Variants in MKLN1 observed in about 807,000 individuals in gnomAD.
The protein encoded by MKLN1 is muskelin 1.
A neutral mutation model predicts 99.0 loss-of-function variants in MKLN1; 18 were observed. The ratio of observed to expected loss-of-function variants is 0.18; its 90% CI spans 0.13 to 0.27. MKLN1 has a LOEUF of 0.27. Among genes scored for constraint, MKLN1 ranks in the 10% least tolerant of loss-of-function variants. MKLN1 has a pLI of 1.00. For missense variants in MKLN1, 621 were observed against 875.9 expected (o/e 0.71, Z 3.67); for synonymous variants, 288 against 293.2 (o/e 0.98, Z 0.18).
chr7:131,414,631 T>A lies in MKLN1; in HGVS notation c.782-14T>A, dbSNP rs1794964271. 6.4e-7 allele frequency: 1 copy of A among 1,567,872 alleles called. No homozygotes were observed. Among genetic ancestry groups the A allele is most frequent in the Non-Finnish European group, 8.7e-7 (1 of 1,143,644 alleles). The stretch of plus-strand genomic sequence containing the variant: ...TTGTTATTCCTTTAAAAGAAACTAT[T>A]ATTTCTTCTAAAGGTGATGGGGAAG... On this transcript the variant is annotated splice_polypyrimidine_tract_variant and intron_variant, in intron 7 of 17. Transcript: ENST00000352689.
At chr7:131,408,493 A>C (rs571626571) in intron 6 of MKLN1, among the ~76,000 whole-genome samples, 1 of 152,216 alleles carries the variant, frequency 6.6e-6, no homozygotes, top group Non-Finnish European at 1.5e-5. Context: ...AATACATACA[A>C]CTAGGCAGCA....
chr7:131,438,781 G>A (rs1044715099), intron 10 of MKLN1, among the ~76,000 whole-genome samples: 1 of 151,826 alleles, frequency 6.6e-6, no homozygotes, highest in African/African-American at 2.4e-5. Context: ...CTGTATTGAT[G>A]AACATAAATT....
chr7:131,114,681 C>T (rs1201269288), intron 1 of MKLN1, among the ~76,000 whole-genome samples: 1 of 152,162 alleles, frequency 6.6e-6, no homozygotes, highest in Admixed American at 6.5e-5. Flanking sequence ...TGCAGTGGCT[C>T]ACACCTGTAA....
At chr7:131,372,317 A>G (rs538254420) in intron 1 of MKLN1, among the ~76,000 whole-genome samples, 1 of 152,052 alleles carries the variant, frequency 6.6e-6, no homozygotes, top group Non-Finnish European at 1.5e-5. Flanking sequence ...GTGTTTTCTA[A>G]TTCATTTTTG....
chr7:131,472,703 C>T (rs962362707), intron 16 of MKLN1, among the ~76,000 whole-genome samples: 1 of 152,068 alleles, frequency 6.6e-6, no homozygotes, highest in Non-Finnish European at 1.5e-5. Context: ...GTAATCCCAG[C>T]ACTTTGGGAG....
At chr7:131,426,621 T>C (rs577201681) in intron 8 of MKLN1, among the ~76,000 whole-genome samples, 1 of 152,218 alleles carries the variant, frequency 6.6e-6, no homozygotes, top group South Asian at 2.1e-4. Flanking sequence ...AAGTGTTTTA[T>C]GTACTGAATT....
chr7:131,207,427 G>A (rs1420698694), intron 3 of MKLN1, among the ~76,000 whole-genome samples: 3 of 152,016 alleles, frequency 2.0e-5, no homozygotes, highest in Non-Finnish European at 2.9e-5. Context: ...GGAACTCCTG[G>A]CCTCAAGTGA....
rs549004393 is a variant in MKLN1 at position 131,361,397 on chromosome 7, A to G, written c.99-14027A>G. On this transcript the variant is annotated intron_variant, in intron 1 of 17. Transcript: ENST00000352689. The stretch of plus-strand genomic sequence containing the variant: ...AGCTCACTGATTCTTTCCATGGTAC[A>G]TTACCCATCTATCTTGCATGTTGTC... Among the ~76,000 whole-genome samples the G allele has an allele frequency of 2.2e-4, 33 of 151,744 alleles. 1 individual carries two copies. The highest frequency in any genetic ancestry group is 7.7e-4 in the African/African-American group (32 of 41,438).
intron 2 of MKLN1, among the ~76,000 whole-genome samples, chr7:131,161,728 T>A (rs1204174227): frequency 1.3e-5 from 2 of 151,660 alleles, no homozygotes; most frequent in Admixed American, 1.3e-4. Context: ...ATTTTTTGTA[T>A]TTTTAGTAGG....
At chr7:131,225,961 G>A (rs956119704) in intron 3 of MKLN1, among the ~76,000 whole-genome samples, 6 of 152,124 alleles carry the variant, frequency 3.9e-5, no homozygotes, top group Admixed American at 3.3e-4. Context: ...GCTGGTGGCA[G>A]CCCCAGCCCT....
intron 2 of MKLN1, among the ~76,000 whole-genome samples, chr7:131,384,433 AGTTACACT>A (rs1457582762): frequency 1.3e-5 from 2 of 152,006 alleles, no homozygotes; most frequent in Non-Finnish European, 2.9e-5. Context: ...CAGAGATAGG[AGTTACACT>A]GTCACAAGCC....
At chr7:131,152,452 C>T (rs1584794162) in intron 2 of MKLN1, among the ~76,000 whole-genome samples, 1 of 151,096 alleles carries the variant, frequency 6.6e-6, no homozygotes, top group South Asian at 2.1e-4. Flanking sequence ...TTTAAATTGT[C>T]TTACAAATTT....
chr7:131,294,511 C>T (rs1322810839), intron 3 of MKLN1, among the ~76,000 whole-genome samples: 1 of 152,214 alleles, frequency 6.6e-6, no homozygotes, highest in East Asian at 1.9e-4. Context: ...TGCATCTCTA[C>T]TGCCTGGCTC....
chr7:131,387,580 A>G (rs563168804), intron 3 of MKLN1, among the ~76,000 whole-genome samples: 14 of 152,110 alleles, frequency 9.2e-5, no homozygotes, highest in Non-Finnish European at 1.8e-4. Flanking sequence ...TTTTGCTATA[A>G]TCTTTGCTGT....
chr7:131,328,468 G>A (rs912531773), intron 1 of MKLN1, among the ~76,000 whole-genome samples: 1 of 152,234 alleles, frequency 6.6e-6, no homozygotes, highest in Admixed American at 6.5e-5. Context: ...CTATTCCAGA[G>A]TGGGGTCATT....
chr7:131,208,399 GC>G (rs1251357857), intron 3 of MKLN1, among the ~76,000 whole-genome samples: 1 of 152,142 alleles, frequency 6.6e-6, no homozygotes, highest in Admixed American at 6.6e-5. Flanking sequence ...TTTGAGAGCA[GC>G]CTGGGCAACA....
intron 3 of MKLN1, among the ~76,000 whole-genome samples, chr7:131,302,887 A>G (rs924850773): frequency 6.6e-6 from 1 of 152,186 alleles, no homozygotes; most frequent in Non-Finnish European, 1.5e-5. Context: ...GACAGGTTCA[A>G]TGAGAAGGTC....
chr7:131,455,493 G>A lies in MKLN1; in HGVS notation c.1526-7724G>A, dbSNP rs185580267. On this transcript the variant is annotated intron_variant, in intron 12 of 17. Coordinates refer to ENST00000352689, the MANE Select transcript of MKLN1 (RefSeq NM_013255.5). ...CAATTATAAAAATAACGAGTTGGCA[G>A]TGATAATTGTTGTATCATTCTTATT... Among the ~76,000 whole-genome samples the A allele has an allele frequency of 4.1e-4, 62 of 152,310 alleles. No homozygotes were observed. The East Asian group carries it at 0.011, about 27-fold the overall frequency.
rs546880856 is a variant in MKLN1, at chr7:131,375,543, A to T, written c.168+50A>T. The T allele has an allele frequency of 9.1e-6, 10 of 1,100,684 alleles. No individual in the cohort carries two copies. In the South Asian group the frequency reaches 1.2e-4, roughly 13 times the overall value. 68.2% of individuals were successfully genotyped at this position (1,100,684 alleles called of 1,614,324 possible). On this transcript the variant is annotated intron_variant, in intron 2 of 17. Coordinates refer to ENST00000352689, the MANE Select transcript of MKLN1 (RefSeq NM_013255.5). ...GCTGTTTAGAAGTCACCATTTAAAT[A>T]AACACTCAATTGATACTAGTTATCT...
Sources: gnomAD v4.1 joint callset for allele counts (sites outside exome capture counted in the v4.1 genomes callset) on GRCh38, gnomAD v4.1.1 for gene constraint, MANE v1.5 for transcripts, NCBI Gene and HGNC (gene_info 2026-07-23, HGNC 2026-07-21) for gene names.